Variants in HIVEP3 observed in about 807,000 individuals in gnomAD.
HIVEP3 encodes the protein HIVEP zinc finger 3, also known as transcription factor HIVEP3.
HIVEP3 carries 49 observed loss-of-function variants against 152.8 expected under a neutral mutation model. That is an observed-to-expected ratio of 0.32 (90% CI 0.26 to 0.41). HIVEP3 has a LOEUF of 0.41. HIVEP3 is among the 10% of genes least tolerant of loss of function. The pLI, the probability that HIVEP3 is intolerant of heterozygous loss-of-function variation, is 1.00. For synonymous variants in HIVEP3, 1,269 were observed against 1,289.0 expected (o/e 0.98, Z 0.33); for missense variants, 2,790 against 3,103.3 (o/e 0.90, Z 2.40).
At chr1:41,864,843 G>A (rs550767747) in intron 1 of HIVEP3, among the ~76,000 whole-genome samples, 2 of 152,364 alleles carry the variant, frequency 1.3e-5, no homozygotes, top group South Asian at 2.1e-4. Flanking sequence ...AGGGGGTTAC[G>A]CTTCAGCGCT....
At chr1:41,651,531 C>T (rs371956142) in intron 2 of HIVEP3, among the ~76,000 whole-genome samples, 6 of 151,766 alleles carry the variant, frequency 4.0e-5, no homozygotes, top group African/African-American at 1.5e-4. Context: ...TATTAGGTAT[C>T]GTAAATAATC....
intron 1 of HIVEP3, among the ~76,000 whole-genome samples, chr1:42,017,755 A>T (rs1645532083): frequency 6.6e-6 from 1 of 152,150 alleles, no homozygotes; most frequent in Non-Finnish European, 1.5e-5. Context: ...GCAAATATAT[A>T]TACTACATTT....
intron 1 of HIVEP3, among the ~76,000 whole-genome samples, chr1:41,851,289 CTTTTTTTTTTTTTTTTTTTTT>C (rs34180186): frequency 3.3e-5 from 2 of 59,758 alleles, no homozygotes; most frequent in Admixed American, 2.6e-4. Context: ...TCTTCTTCTT[CTTTTTTTTTTTTTTTTTTTTT>C]TTTTTTTTTT....
At chr1:41,676,770 G>C (rs1645963224) in intron 2 of HIVEP3, among the ~76,000 whole-genome samples, 1 of 152,204 alleles carries the variant, frequency 6.6e-6, no homozygotes, top group African/African-American at 2.4e-5. Context: ...CCAGGGCAGG[G>C]AGGGGCAACC....
At chr1:41,719,156 C>T (rs1646640847) in intron 1 of HIVEP3, among the ~76,000 whole-genome samples, 1 of 152,188 alleles carries the variant, frequency 6.6e-6, no homozygotes, top group African/African-American at 2.4e-5. Context: ...GGAAGACTTC[C>T]TGGAGGAGGA....
rs572425876 is a variant in HIVEP3, at chr1:41,924,070, G to A, written n.120-5546C>T. On this transcript the variant is annotated intron_variant and non_coding_transcript_variant, in intron 1 of 3. Transcript: ENST00000489103. ...GTGACTACGTTAATGATCTTGAGAT[G>A]AGGAGAGATCCTGGATTATCCAGGA... 3.3e-5 allele frequency among the ~76,000 whole-genome samples: 5 copies of A among 152,276 alleles called. No homozygotes were observed. The South Asian group carries it at 1.0e-3, about 32-fold the overall frequency.
intron 1 of HIVEP3, among the ~76,000 whole-genome samples, chr1:41,841,071 G>C (rs1485905458): frequency 2.0e-5 from 3 of 152,112 alleles, no homozygotes; most frequent in African/African-American, 7.2e-5. Flanking sequence ...CAGTATTGGT[G>C]CAGTTAATGA....
intron 1 of HIVEP3, among the ~76,000 whole-genome samples, chr1:41,869,884 A>T (rs544486801): frequency 6.6e-6 from 1 of 152,222 alleles, no homozygotes; most frequent in African/African-American, 2.4e-5. Context: ...TCATCATGAC[A>T]TTGAAATGTG....
At position 41,583,349 on chromosome 1, in the gene HIVEP3, G is replaced by A. The variant is rs746789136; in HGVS notation, c.1449C>T (p.Ser483=). 4.3e-6 allele frequency: 7 copies of A among 1,611,598 alleles called. No homozygotes were observed. The highest frequency in any genetic ancestry group is 1.6e-4 in the Middle Eastern group (1 of 6,076). Residue 483 remains serine (S), a synonymous_variant, in exon 4 of 9, where the codon AGC becomes AGT. Transcript: ENST00000372583. This position sits in a 1 kb window ranked among gnomAD's most constrained non-coding sequence, Gnocchi z 6.9. Reference sequence around the variant, plus strand: ...ACAGTGAGCTCCGCCTTGGCTTCACGCTGTCGATCTCGCTGGTGTCCACCA... The same window carrying A: ...ACAGTGAGCTCCGCCTTGGCTTCACACTGTCGATCTCGCTGGTGTCCACCA... ...EAVVDTSEID[S]VKPRRSSLSR... is the part of the protein sequence containing the mutation.
intron 2 of HIVEP3, among the ~76,000 whole-genome samples, chr1:41,659,917 C>A (rs1645686443): frequency 6.6e-6 from 1 of 152,236 alleles, no homozygotes; most frequent in African/African-American, 2.4e-5. Flanking sequence ...CCACAACTAC[C>A]TCATAGCTGC....
chr1:41,991,526 A>G (rs1308996398), intron 1 of HIVEP3, among the ~76,000 whole-genome samples: 1 of 148,288 alleles, frequency 6.7e-6, no homozygotes, highest in Admixed American at 6.7e-5. Context: ...AACCAAAAAG[A>G]GTCCAGGACC....
At chr1:41,547,812 G>A (rs1643840205) in intron 5 of HIVEP3, among the ~76,000 whole-genome samples, 1 of 152,020 alleles carries the variant, frequency 6.6e-6, no homozygotes, top group African/African-American at 2.4e-5. Flanking sequence ...TCCATTTGAT[G>A]GAAAAGAAGC....
chr1:41,583,270 A>G lies in HIVEP3; in HGVS notation c.1528T>C (p.Ser510Pro), dbSNP rs1398709323. 6.2e-7 allele frequency: 1 copy of G among 1,613,366 alleles called. No homozygotes were observed. Among genetic ancestry groups the G allele is most frequent in the Admixed American group, 1.7e-5 (1 of 59,950 alleles). Residue 510 changes from serine to proline, a missense_variant, in exon 4 of 9, where the codon TCA (serine) becomes CCA (proline). Physicochemically the swap from Ser to Pro is moderately conservative, Grantham distance 74. Around this residue, in one of 9 missense-constraint regions of HIVEP3, gnomAD observed 134 missense variants for 242.5 expected, o/e 0.55. Transcript: ENST00000372583. This position sits in a 1 kb window ranked among gnomAD's most constrained non-coding sequence, Gnocchi z 6.9. ...PKSSLYREPL[S>P]SHSEKTKPEQ... ...GGCTTGGTTTTCTCACTGTGGGATG[A>G]CAGGGGCTCCCGGTAGAGGCTGGAT...
chr1:41,839,768 G>A (rs953040411), intron 1 of HIVEP3, among the ~76,000 whole-genome samples: 1 of 152,194 alleles, frequency 6.6e-6, no homozygotes, highest in African/African-American at 2.4e-5. Context: ...TCCTAATCAA[G>A]GAGGGAAACA....
Position 41,960,764 on chromosome 1 carries a change from G to A in HIVEP3, n.120-42240C>T, listed in dbSNP as rs182559335. Among the ~76,000 whole-genome samples the A allele has an allele frequency of 2.8e-3, 431 of 152,170 alleles. 5 individuals are homozygous for A. The highest frequency in any genetic ancestry group is 4.6e-3 in the Non-Finnish European group (311 of 68,010). On this transcript the variant is annotated intron_variant and non_coding_transcript_variant, in intron 1 of 3. Transcript: ENST00000489103. ...GCCCACAGTGTTTACAGCCCCATAC[G>A]AAGTGCTAAAGGCATATGAGAGTTT...
chr1:41,552,464 G>A (rs76019029), intron 5 of HIVEP3, among the ~76,000 whole-genome samples: 6,330 of 146,758 alleles, frequency 0.043, 171 homozygotes, highest in Middle Eastern at 0.1. Flanking sequence ...GAGAATATGC[G>A]GTGTTTGGTT....
chr1:41,559,514 C>A (rs564535422), intron 5 of HIVEP3, among the ~76,000 whole-genome samples: 1 of 152,240 alleles, frequency 6.6e-6, no homozygotes, highest in African/African-American at 2.4e-5. Flanking sequence ...GCTTGGAATC[C>A]TCTGGGGCTG....
intron 1 of HIVEP3, among the ~76,000 whole-genome samples, chr1:42,025,446 A>G (rs1645576499): frequency 6.6e-6 from 1 of 152,234 alleles, no homozygotes; most frequent in Admixed American, 6.5e-5. Flanking sequence ...TATGAACACA[A>G]TAAGCATAGG....
chr1:41,713,246 T>C (rs1646542255), intron 1 of HIVEP3, among the ~76,000 whole-genome samples: 1 of 152,198 alleles, frequency 6.6e-6, no homozygotes, highest in Non-Finnish European at 1.5e-5. Context: ...GAGCTCCCAC[T>C]GCCCTGAAAG....
Sources: allele counts gnomAD v4.1 joint callset (sites outside exome capture counted in the v4.1 genomes callset), GRCh38; gene constraint gnomAD v4.1.1; regional missense constraint gnomAD v4.1.1; non-coding constraint Gnocchi (gnomAD v3.1); transcripts MANE v1.5; gene names NCBI Gene and HGNC (gene_info 2026-07-23, HGNC 2026-07-21).